VRK1: variants seen among roughly 807,000 people sequenced by gnomAD.
The protein encoded by VRK1 is serine/threonine-protein kinase VRK1.
A neutral mutation model predicts 57.1 loss-of-function variants in VRK1; 33 were observed. The ratio of observed to expected loss-of-function variants is 0.58; its 90% CI spans 0.44 to 0.77. The LOEUF is 0.77. Ranked by LOEUF, VRK1 falls within the 30% of genes least tolerant of loss-of-function variation. VRK1 has a pLI of 0.00. For missense variants in VRK1, 413 were observed against 477.3 expected, an observed-to-expected ratio of 0.87 and a Z score of 1.25; for synonymous variants, 137 against 147.8, an observed-to-expected ratio of 0.93 and a Z score of 0.53.
intron 3 of VRK1, among the ~76,000 whole-genome samples, chr14:96,841,819 A>T (rs895927259): frequency 6.6e-6 from 1 of 151,068 alleles, no homozygotes; most frequent in East Asian, 1.9e-4. Context: ...TGGGCTACAG[A>T]GTGAGACTCT....
At chr14:96,880,923 G>A (rs1460931869) in intron 12 of VRK1, among the ~76,000 whole-genome samples, 1 of 152,142 alleles carries the variant, frequency 6.6e-6, no homozygotes, top group Non-Finnish European at 1.5e-5. Context: ...TTATCAGTCA[G>A]TATTTTTATA....
At position 96,833,445 on chromosome 14, in the gene VRK1, A is replaced by G. The variant is rs202169430; in HGVS notation, c.-5-22A>G. 10 of 1,612,556 alleles carry G rather than the reference A, an allele frequency of 6.2e-6. No individual in the cohort carries two copies. The Admixed American group carries it at 1.3e-4, about 22-fold the overall frequency. ...CACTTCTAAGATTAGAATTCTGACC[A>G]TTTCTTTGTTTTATGTTATAGTGAA... is the stretch of plus-strand genomic sequence containing the variant. On this transcript the variant is annotated intron_variant, in intron 1 of 12. Coordinates refer to ENST00000216639, the MANE Select transcript of VRK1 (RefSeq NM_003384.3).
chr14:96,813,240 T>G (rs1886272903), intron 1 of VRK1, among the ~76,000 whole-genome samples: 1 of 152,224 alleles, frequency 6.6e-6, no homozygotes, highest in Non-Finnish European at 1.5e-5. Flanking sequence ...CACTGCTCGG[T>G]GCTGACTGGG....
Position 96,860,557 on chromosome 14 carries a change from G to A in VRK1, c.890G>A (p.Gly297Asp), listed in dbSNP as rs775497978. ...TAAAATGATTGTGTTATTCTTTTAGGTGAAATTGCCAAATACATGGAAACA... is the reference window on the plus strand; with the variant it reads ...TAAAATGATTGTGTTATTCTTTTAGATGAAATTGCCAAATACATGGAAACA... Reference protein sequence around the residue: ...DKCFPEKNKPGEIAKYMETVK... With the variant: ...DKCFPEKNKPDEIAKYMETVK... The change falls in exon 11 of 13, where the codon GGT becomes GAT. Residue 297 changes from glycine to aspartate, a missense_variant and splice_region_variant. Gly to Asp is a moderately conservative substitution (Grantham distance 94). Coordinates refer to ENST00000216639, the MANE Select transcript of VRK1 (RefSeq NM_003384.3). The A allele has an allele frequency of 1.9e-6, 3 of 1,611,804 alleles. No homozygotes were observed. The highest frequency in any genetic ancestry group is 1.7e-6 in the Non-Finnish European group (2 of 1,178,636).
At chr14:96,821,883 G>A (rs1172152976) in intron 1 of VRK1, among the ~76,000 whole-genome samples, 1 of 151,978 alleles carries the variant, frequency 6.6e-6, no homozygotes, top group Non-Finnish European at 1.5e-5. Flanking sequence ...AGCTGGACAT[G>A]TTCTTGCCTT....
At chr14:96,838,988 T>C (rs1377337358) in intron 3 of VRK1, among the ~76,000 whole-genome samples, 1 of 152,088 alleles carries the variant, frequency 6.6e-6, no homozygotes, top group Non-Finnish European at 1.5e-5. Context: ...CCTCTTAAAA[T>C]GTAGAGCATT....
chr14:96,821,858 G>C (rs1886611649), intron 1 of VRK1, among the ~76,000 whole-genome samples: 1 of 152,068 alleles, frequency 6.6e-6, no homozygotes, highest in Non-Finnish European at 1.5e-5. Flanking sequence ...CAGTCCCCTT[G>C]CTGTTTCTAG....
At chr14:96,861,769 GATAAGTTTT>G (rs1468038266) in intron 11 of VRK1, among the ~76,000 whole-genome samples, 2 of 151,500 alleles carry the variant, frequency 1.3e-5, no homozygotes, top group Non-Finnish European at 2.9e-5. Flanking sequence ...TTTTTTCTTT[GATAAGTTTT>G]ATCTTAATTG....
At chr14:96,846,010 AT>A in intron 3 of VRK1, 84 bp from the exon 4 acceptor site, 1 of 1,221,210 alleles carries the variant, frequency 8.2e-7, no homozygotes, top group East Asian at 2.3e-5. Flanking sequence ...AGAAAAATAG[AT>A]TTGTTGGTCT....
chr14:96,835,452 A>G (rs938333412), intron 2 of VRK1, among the ~76,000 whole-genome samples: 8 of 151,868 alleles, frequency 5.3e-5, no homozygotes, highest in South Asian at 2.1e-4. Context: ...TTTATTCTAT[A>G]TATTCTTTCT....
chr14:96,837,273 A>G (rs915166794), intron 2 of VRK1, among the ~76,000 whole-genome samples: 2 of 152,212 alleles, frequency 1.3e-5, no homozygotes, highest in African/African-American at 4.8e-5. Context: ...TGGCAGTTGA[A>G]AGTTCTAGTG....
At chr14:96,820,728 GTAT>G (rs2139718433) in intron 1 of VRK1, among the ~76,000 whole-genome samples, 1 of 152,256 alleles carries the variant, frequency 6.6e-6, no homozygotes, top group African/African-American at 2.4e-5. Context: ...ATTTAAGAAT[GTAT>G]TATAATATCA....
At chr14:96,861,764 TC>T (rs939050599) in intron 11 of VRK1, among the ~76,000 whole-genome samples, 39 of 152,342 alleles carry the variant, frequency 2.6e-4, no homozygotes, top group African/African-American at 8.9e-4. Context: ...TACTTTTTTT[TC>T]TTTGATAAGT....
At chr14:96,855,527 A>G (rs1031978490) in intron 8 of VRK1, among the ~76,000 whole-genome samples, 171 bp downstream of exon 8, 1 of 152,220 alleles carries the variant, frequency 6.6e-6, no homozygotes, top group Non-Finnish European at 1.5e-5. Context: ...TTCCAGGACC[A>G]TCTGTGTTCT....
chr14:96,838,062 TGCA>T (rs1887291947), intron 3 of VRK1, among the ~76,000 whole-genome samples: 1 of 152,132 alleles, frequency 6.6e-6, no homozygotes, highest in Non-Finnish European at 1.5e-5. Context: ...CATAAAGGCA[TGCA>T]GATGTGGAAT....
At chr14:96,859,966 A>C (rs1956376048) in intron 10 of VRK1, among the ~76,000 whole-genome samples, 1 of 152,140 alleles carries the variant, frequency 6.6e-6, no homozygotes, top group African/African-American at 2.4e-5. Context: ...TAATATTGAG[A>C]AGTGTTGATC....
chr14:96,840,700 G>A (rs371854027), intron 3 of VRK1, among the ~76,000 whole-genome samples: 4 of 152,086 alleles, frequency 2.6e-5, no homozygotes, highest in Admixed American at 2.6e-4. Flanking sequence ...TCCTTCTGAC[G>A]TCTCATAACG....
intron 1 of VRK1, among the ~76,000 whole-genome samples, chr14:96,828,221 A>C (rs1482791200): frequency 1.3e-5 from 2 of 152,138 alleles, no homozygotes; most frequent in South Asian, 2.1e-4. Context: ...ATTCTTGTAC[A>C]TGTCTTTGGG....
intron 3 of VRK1, among the ~76,000 whole-genome samples, chr14:96,842,203 A>T (rs527444040): frequency 7.2e-5 from 11 of 152,038 alleles, no homozygotes; most frequent in African/African-American, 2.4e-4. Context: ...CTTTTCATTT[A>T]CTCTCAACTT....
Sources: gnomAD v4.1 joint callset for allele counts (sites outside exome capture counted in the v4.1 genomes callset) on GRCh38, gnomAD v4.1.1 for gene constraint, MANE v1.5 for transcripts, NCBI Gene and HGNC (gene_info 2026-07-23, HGNC 2026-07-21) for gene names.